ZAP70: variants seen among roughly 807,000 people sequenced by gnomAD.
The protein encoded by ZAP70 is zeta chain of T cell receptor associated protein kinase 70, also known as tyrosine-protein kinase ZAP-70.
Under a neutral mutation model 65.8 loss-of-function variants are expected in ZAP70, and 27 were observed. The ratio of observed to expected loss-of-function variants is 0.41; its 90% CI spans 0.30 to 0.57. The LOEUF is 0.57. Among genes scored for constraint, ZAP70 ranks in the 20% least tolerant of loss-of-function variants. The probability of loss-of-function intolerance (pLI) is 0.28; values close to 1 mark genes in which losing one functional copy is unlikely to be tolerated. For synonymous variants in ZAP70, 363 were observed against 360.8 expected, an observed-to-expected ratio of 1.01 and a Z score of -0.07; for missense variants, 696 against 870.5, an observed-to-expected ratio of 0.80 and a Z score of 2.52.
intron 4 of ZAP70, among the ~76,000 whole-genome samples, chr2:97,730,584 A>T (rs1174067708): frequency 6.6e-6 from 1 of 152,136 alleles, no homozygotes; most frequent in Non-Finnish European, 1.5e-5. Context: ...TGCTTGTGTC[A>T]TGTTTGCTAA....
At chr2:97,714,899 GGA>G (rs553498750) in intron 2 of ZAP70, among the ~76,000 whole-genome samples, 7 of 152,122 alleles carry the variant, frequency 4.6e-5, no homozygotes, top group Non-Finnish European at 1.0e-4. Flanking sequence ...TGCACACTCT[GGA>G]GCCTGGGGGC....
chr2:97,739,065 G>A (rs1229248973), intron 13 of ZAP70, among the ~76,000 whole-genome samples: 1 of 152,120 alleles, frequency 6.6e-6, no homozygotes, highest in Admixed American at 6.5e-5. Flanking sequence ...AGGTCCCCGT[G>A]GTCAATAGTT....
chr2:97,726,535 G>A (rs1050607077), intron 4 of ZAP70, among the ~76,000 whole-genome samples: 11 of 152,246 alleles, frequency 7.2e-5, no homozygotes, highest in African/African-American at 2.7e-4. Context: ...CCCCAGGGCT[G>A]TTTCCTCTCC....
chr2:97,723,246 T>C (rs1573259953), intron 2 of ZAP70, among the ~76,000 whole-genome samples: 1 of 152,356 alleles, frequency 6.6e-6, no homozygotes, highest in East Asian at 1.9e-4. Context: ...TAGCGTATGC[T>C]CTGTAGAAAC....
chr2:97,746,906 G>A, the ZAP70 span, among the ~76,000 whole-genome samples: 2 of 152,100 alleles, frequency 1.3e-5, no homozygotes, highest in Non-Finnish European at 2.9e-5. Context: ...GTAAAAAATG[G>A]ACAAAGGATT....
At chr2:97,718,514 C>T (rs1348726527) in intron 2 of ZAP70, among the ~76,000 whole-genome samples, 1 of 152,122 alleles carries the variant, frequency 6.6e-6, no homozygotes, top group Non-Finnish European at 1.5e-5. Flanking sequence ...CGCCCACCAC[C>T]CGACCTGTGT....
Position 97,732,984 on chromosome 2 carries a change from G to A in ZAP70, c.665G>A (p.Cys222Tyr). 1 of 1,614,158 alleles carries A rather than the reference G, an allele frequency of 6.2e-7. No homozygotes were observed. The highest frequency in any genetic ancestry group is 2.2e-5 in the East Asian group (1 of 44,892). Residue 222 changes from cysteine (C) to tyrosine (Y), a missense_variant, in exon 5 of 14, where the codon TGC (cysteine) becomes TAC (tyrosine). Transcript: ENST00000264972. ...AGCCAAGACAAGGCGGGCAAGTACT[G>A]CATTCCCGAGGGCACCAAGTTTGAC... ...LISQDKAGKY[C>Y]IPEGTKFDTL... is the part of the protein sequence containing the mutation.
At chr2:97,740,920 A>C (rs1028904716), downstream of ZAP70, among the ~76,000 whole-genome samples, 15 of 152,220 alleles carry the variant, frequency 9.9e-5, no homozygotes, top group African/African-American at 3.6e-4. Flanking sequence ...TAAAAGTGGG[A>C]CACCAGGGGG....
Position 97,724,262 on chromosome 2 carries a change from G to C in ZAP70, c.226G>C (p.Ala76Pro). The C allele has an allele frequency of 1.2e-6, 2 of 1,604,916 alleles. No individual in the cohort carries two copies. Among genetic ancestry groups the C allele is most frequent in the Non-Finnish European group, 1.7e-6 (2 of 1,178,166 alleles). ...NGTYAIAGGKAHCGPAELCEF... is the reference protein window; with the variant it reads ...NGTYAIAGGKPHCGPAELCEF... The stretch of plus-strand genomic sequence containing the variant: ...CACCTACGCCATTGCCGGCGGCAAA[G>C]CGCACTGTGGACCGGCAGAGCTCTG... The change falls in exon 3 of 14, where the codon GCG becomes CCG. Residue 76 changes from alanine (A) to proline (P), a missense_variant. By Grantham distance (27) the Ala-to-Pro change is conservative. Transcript: ENST00000264972.
Position 97,734,667 on chromosome 2 carries a change from G to A in ZAP70, c.1037G>A (p.Cys346Tyr). 6.2e-7 allele frequency: 1 copy of A among 1,614,192 alleles called. No homozygotes were observed. The highest frequency in any genetic ancestry group is 1.3e-5 in the African/African-American group (1 of 75,070). Residue 346 changes from cysteine to tyrosine, a missense_variant, in exon 9 of 14, where the codon TGC becomes TAC. This residue lies in a region of ZAP70 where 551 missense variants were observed against 630.0 expected (regional missense o/e 0.87). Transcript: ENST00000264972. Reference sequence around the variant, plus strand: ...CTCATAGCTGACATTGAACTTGGCTGCGGCAACTTTGGCTCAGTGCGCCAG... The same window carrying A: ...CTCATAGCTGACATTGAACTTGGCTACGGCAACTTTGGCTCAGTGCGCCAG... ...NLLIADIELG[C>Y]GNFGSVRQGV...
Position 97,733,114 on chromosome 2 carries a change from G to GCTCC in ZAP70, c.703-8_703-5dup. The GCTCC allele has an allele frequency of 6.2e-7, 1 of 1,614,008 alleles. No homozygotes were observed. The highest frequency in any genetic ancestry group is 8.5e-7 in the Non-Finnish European group (1 of 1,180,010). ...AGAGGAGCCTCTCTGCTAGCTGCCT[G>GCTCC]CTCCCTGCAGCTGGTGGAGTATCTG... is the stretch of plus-strand genomic sequence containing the variant. On this transcript the variant is annotated splice_polypyrimidine_tract_variant and intron_variant, in intron 5 of 13. Coordinates refer to ENST00000264972, the MANE Select transcript of ZAP70 (RefSeq NM_001079.4).
Position 97,722,682 on chromosome 2 carries a change from C to T in ZAP70, c.-21-1334C>T. Among the ~76,000 whole-genome samples the T allele has an allele frequency of 1.3e-5, 2 of 152,212 alleles. 1 individual carries two copies. The highest frequency in any genetic ancestry group is 3.8e-4 in the East Asian group (2 of 5,206). Reference sequence around the variant, plus strand: ...TTCCTAGGAACCTAACTCTGTATTTCCCCTAGGAGGGATAGTTCTATATTG... The same window carrying T: ...TTCCTAGGAACCTAACTCTGTATTTTCCCTAGGAGGGATAGTTCTATATTG... On this transcript the variant is annotated intron_variant, in intron 2 of 13. Coordinates refer to ENST00000264972, the MANE Select transcript of ZAP70 (RefSeq NM_001079.4).
At chr2:97,719,604 T>C (rs143110209) in intron 2 of ZAP70, among the ~76,000 whole-genome samples, 7 of 151,940 alleles carry the variant, frequency 4.6e-5, no homozygotes, top group Admixed American at 3.9e-4. Flanking sequence ...GTCAAGGACA[T>C]AGGGACAGGA....
intron 3 of ZAP70, 57 bp downstream of exon 3, chr2:97,724,495 C>A (rs1226705009): frequency 2.0e-6 from 3 of 1,504,898 alleles, no homozygotes; most frequent in Admixed American, 2.0e-5. Flanking sequence ...GAGGGGCAGT[C>A]GAGGGTTTTG....
At chr2:97,720,375 C>A (rs903386102) in intron 2 of ZAP70, among the ~76,000 whole-genome samples, 2 of 152,056 alleles carry the variant, frequency 1.3e-5, no homozygotes, top group Non-Finnish European at 2.9e-5. Context: ...CTACAGGCGC[C>A]CACCACCACG....
At chr2:97,742,249 CT>C (rs1376785981), downstream of ZAP70, among the ~76,000 whole-genome samples, 6 of 152,310 alleles carry the variant, frequency 3.9e-5, no homozygotes, top group Non-Finnish European at 5.9e-5. Flanking sequence ...CCACGGCTTC[CT>C]AGCATTGGGT....
chr2:97,732,026 C>T (rs761320801), intron 4 of ZAP70, among the ~76,000 whole-genome samples: 1 of 151,952 alleles, frequency 6.6e-6, no homozygotes, highest in Admixed American at 6.5e-5. Context: ...GGGCTTCATG[C>T]GAGGGTGCCG....
chr2:97,752,097 G>A, the ZAP70 span, among the ~76,000 whole-genome samples: 1 of 151,556 alleles, frequency 6.6e-6, no homozygotes, highest in Non-Finnish European at 1.5e-5. Flanking sequence ...CACTCTGGCA[G>A]GGAAATTTTC....
chr2:97,740,324 T>C (rs1678095593), downstream of ZAP70, among the ~76,000 whole-genome samples: 3 of 152,216 alleles, frequency 2.0e-5, no homozygotes, highest in Non-Finnish European at 4.4e-5. Flanking sequence ...AATACCAAAA[T>C]GCAAACATTG....
Sources: gnomAD v4.1 joint callset for allele counts (sites outside exome capture counted in the v4.1 genomes callset) on GRCh38, gnomAD v4.1.1 for gene constraint, gnomAD v4.1.1 regional missense constraint, MANE v1.5 for transcripts, NCBI Gene and HGNC (gene_info 2026-07-23, HGNC 2026-07-21) for gene names.